Variants in LAMA2 observed in about 807,000 individuals in gnomAD.
The protein encoded by LAMA2 is laminin subunit alpha 2, also known as laminin subunit alpha-2.
A neutral mutation model predicts 364.8 loss-of-function variants in LAMA2; 269 were observed. The observed-to-expected ratio is 0.74, with a 90% CI of 0.67 to 0.82. The LOEUF (loss-of-function observed/expected upper bound fraction) is 0.82, where lower values mean the gene tolerates loss of function less well. LAMA2 is among the 40% of genes least tolerant of loss of function. LAMA2 has a pLI of 0.00. For missense variants in LAMA2, 3,807 were observed against 3,873.2 expected (o/e 0.98, Z 0.45); for synonymous variants, 1,379 against 1,370.6 (o/e 1.01, Z -0.14).
intron 29 of LAMA2, among the ~76,000 whole-genome samples, chr6:129,336,438 A>G (rs1343771903): frequency 6.6e-6 from 1 of 152,228 alleles, no homozygotes; most frequent in East Asian, 1.9e-4. Context: ...ATCATATCTC[A>G]AATTCAGCAA....
At position 129,016,335 on chromosome 6, in the gene LAMA2, A is replaced by G. The variant is rs754914777; in HGVS notation, c.113-33583A>G. Among the ~76,000 whole-genome samples, 16 of 152,060 alleles carry G rather than the reference A, an allele frequency of 1.1e-4. 1 individual carries two copies. Among genetic ancestry groups the G allele is most frequent in the Non-Finnish European group, 2.1e-4 (14 of 67,912 alleles). Reference sequence around the variant, plus strand: ...TGATGTTGCAATTCAACTTGTAAGCATATACTCAAGAGAAATAGGTGCACA... The same window carrying G: ...TGATGTTGCAATTCAACTTGTAAGCGTATACTCAAGAGAAATAGGTGCACA... On this transcript the variant is annotated intron_variant, in intron 1 of 64. Coordinates refer to ENST00000421865, the MANE Select transcript of LAMA2 (RefSeq NM_000426.4).
intron 53 of LAMA2, 24 bp downstream of exon 53, chr6:129,475,425 C>G (rs1784020754): frequency 6.4e-7 from 1 of 1,564,052 alleles, no homozygotes; most frequent in Non-Finnish European, 8.7e-7. Flanking sequence ...TTATGCATGC[C>G]TTCTTCGAGT....
intron 58 of LAMA2, among the ~76,000 whole-genome samples, chr6:129,501,541 G>A (rs1325612251): frequency 6.6e-6 from 1 of 152,204 alleles, no homozygotes; most frequent in African/African-American, 2.4e-5. Flanking sequence ...AATTTCCTGT[G>A]TGCTGATGAG....
At chr6:129,392,950 A>G in intron 36 of LAMA2, 95 bp from the exon 37 acceptor site, 2 of 967,108 alleles carry the variant, frequency 2.1e-6, no homozygotes, top group South Asian at 1.4e-5. Flanking sequence ...CATTCTTTTC[A>G]TGTTAGCATC....
At chr6:129,259,863 T>C (rs1787000219) in intron 14 of LAMA2, among the ~76,000 whole-genome samples, 1 of 152,154 alleles carries the variant, frequency 6.6e-6, no homozygotes, top group Non-Finnish European at 1.5e-5. Context: ...AATCTTGGTC[T>C]ATTTGACTCA....
intron 40 of LAMA2, among the ~76,000 whole-genome samples, chr6:129,414,216 A>G (rs781409653): frequency 2.6e-5 from 4 of 152,118 alleles, no homozygotes; most frequent in Non-Finnish European, 4.4e-5. Flanking sequence ...AAATTGCATC[A>G]GTAGTTAATA....
At chr6:128,931,587 G>A (rs1204353129) in intron 1 of LAMA2, among the ~76,000 whole-genome samples, 3 of 152,112 alleles carry the variant, frequency 2.0e-5, no homozygotes, top group African/African-American at 2.4e-5. Context: ...ATCCTTACAG[G>A]ACATGAATGG....
At chr6:129,166,023 A>G (rs1779724631) in intron 9 of LAMA2, among the ~76,000 whole-genome samples, 1 of 152,172 alleles carries the variant, frequency 6.6e-6, no homozygotes, top group Admixed American at 6.6e-5. Flanking sequence ...TGTAGCTTCT[A>G]TGAGTTCTAG....
At chr6:129,423,049 GT>G (rs759929760) in intron 40 of LAMA2, among the ~76,000 whole-genome samples, 3 of 151,994 alleles carry the variant, frequency 2.0e-5, no homozygotes, top group Non-Finnish European at 4.4e-5. Context: ...AAATTAGTCA[GT>G]GTAATTTACC....
At chr6:128,941,162 G>C (rs997141202) in intron 1 of LAMA2, among the ~76,000 whole-genome samples, 1 of 152,146 alleles carries the variant, frequency 6.6e-6, no homozygotes, top group African/African-American at 2.4e-5. Flanking sequence ...AATAAAATAA[G>C]CCTTGCTGGA....
In LAMA2 at chr6:129,059,858, G is replaced by A. The variant is rs778869610; in HGVS notation, c.358G>A (p.Glu120Lys). The A allele has an allele frequency of 3.9e-5, 63 of 1,601,674 alleles. No homozygotes were observed. Among genetic ancestry groups the A allele is most frequent in the African/African-American group, 6.7e-5 (5 of 74,802 alleles). The change falls in exon 3 of 65, where the codon GAA becomes AAA. Residue 120 changes from glutamate (E) to lysine (K), a missense_variant. Physicochemically the swap from Glu to Lys is moderately conservative, Grantham distance 56. Around this residue, in one of 3 missense-constraint regions of LAMA2, gnomAD observed 394 missense variants for 403.5 expected, o/e 0.98. Transcript: ENST00000421865. ...GAGTCCCAGTATTAAGAATGGAATC[G>A]AATACCATTATGTGACAATTACCCT... ...WQSPSIKNGI[E>K]YHYVTITLDL...
intron 39 of LAMA2, 30 bp from the exon 40 acceptor site, chr6:129,403,791 T>G (rs1282894302): frequency 6.2e-7 from 1 of 1,604,442 alleles, no homozygotes; most frequent in African/African-American, 1.3e-5. Flanking sequence ...TTGAGTGCCC[T>G]GACATTCCTT....
At chr6:129,037,571 G>A (rs752591028) in intron 1 of LAMA2, among the ~76,000 whole-genome samples, 1 of 151,922 alleles carries the variant, frequency 6.6e-6, no homozygotes, top group African/African-American at 2.4e-5. Context: ...GTGTGTATAA[G>A]TATCTATTGG....
chr6:129,300,701 T>G, intron 21 of LAMA2, 35 bp from the exon 22 acceptor site: 1 of 1,611,258 alleles, frequency 6.2e-7, no homozygotes, highest in Non-Finnish European at 8.5e-7. Context: ...TTACTATTTT[T>G]CCCCTTCTTT....
intron 12 of LAMA2, among the ~76,000 whole-genome samples, chr6:129,238,113 C>T (rs1041009183): frequency 6.7e-5 from 10 of 149,774 alleles, no homozygotes; most frequent in African/African-American, 2.5e-4. Context: ...ACAGAGGTTG[C>T]AGTGAGCCAA....
At chr6:129,040,478 A>G (rs1342537946) in intron 1 of LAMA2, among the ~76,000 whole-genome samples, 1 of 152,004 alleles carries the variant, frequency 6.6e-6, no homozygotes, top group Non-Finnish European at 1.5e-5. Context: ...AAAAAATAGA[A>G]ATTAGCTGTA....
chr6:129,430,605 G>A (rs149631969), intron 41 of LAMA2, among the ~76,000 whole-genome samples: 67 of 152,344 alleles, frequency 4.4e-4, no homozygotes, highest in African/African-American at 1.4e-3. Context: ...ACAAATTGAT[G>A]ACTGAAAGAG....
At chr6:129,456,001 C>G (rs1486061469) in intron 47 of LAMA2, among the ~76,000 whole-genome samples, 1 of 152,044 alleles carries the variant, frequency 6.6e-6, no homozygotes, top group Admixed American at 6.6e-5. Flanking sequence ...TTATGTAAGC[C>G]ATAGGAAAAA....
chr6:129,367,799 T>C (rs892966271), intron 33 of LAMA2, among the ~76,000 whole-genome samples: 1 of 152,210 alleles, frequency 6.6e-6, no homozygotes, highest in African/African-American at 2.4e-5. Context: ...ACATAGCTTT[T>C]ACAGAAACTC....
Sources: gnomAD v4.1 joint callset for allele counts (sites outside exome capture counted in the v4.1 genomes callset) on GRCh38, gnomAD v4.1.1 for gene constraint, gnomAD v4.1.1 regional missense constraint, MANE v1.5 for transcripts, NCBI Gene and HGNC (gene_info 2026-07-23, HGNC 2026-07-21) for gene names.